BSN: variants seen among roughly 807,000 people sequenced by gnomAD.
BSN encodes the protein protein bassoon.
BSN carries 57 observed loss-of-function variants against 264.8 expected under a neutral mutation model. The ratio of observed to expected loss-of-function variants is 0.22; its 90% CI spans 0.17 to 0.27. The LOEUF (loss-of-function observed/expected upper bound fraction) is 0.27, where lower values mean the gene tolerates loss of function less well. Among genes scored for constraint, BSN ranks in the 10% least tolerant of loss-of-function variants. The pLI is 1.00. For synonymous variants in BSN, 2,059 were observed against 2,137.3 expected, an observed-to-expected ratio of 0.96 and a Z score of 1.01; for missense variants, 4,615 against 5,232.5, an observed-to-expected ratio of 0.88 and a Z score of 3.64.
chr3:49,596,236 C>G (rs1437721171), intron 1 of BSN, among the ~76,000 whole-genome samples: 1 of 152,048 alleles, frequency 6.6e-6, no homozygotes, highest in Non-Finnish European at 1.5e-5. Context: ...AACCCTGTCT[C>G]TACTAAAAAT....
At chr3:49,594,337 A>G (rs2052004604) in intron 1 of BSN, among the ~76,000 whole-genome samples, 1 of 152,206 alleles carries the variant, frequency 6.6e-6, no homozygotes, top group African/African-American at 2.4e-5. Flanking sequence ...TTGTTAGTTA[A>G]TTCTCATATA....
At chr3:49,639,900 T>C (rs2052447452) in intron 2 of BSN, among the ~76,000 whole-genome samples, 1 of 152,266 alleles carries the variant, frequency 6.6e-6, no homozygotes, top group Non-Finnish European at 1.5e-5. Flanking sequence ...AAGGGGGTGC[T>C]TGCCAAAGTG....
In BSN at chr3:49,605,344, ATATAAATATATATT is replaced by A. The variant is rs1433661360; in HGVS notation, c.225-19614_225-19601del. ...ATATATATTTATAAATATATATAAT[ATATAAATATATATT>A]TATAAATATATATTTAATATATAAA... On this transcript the variant is annotated intron_variant, in intron 1 of 11. Coordinates refer to ENST00000296452, the MANE Select transcript of BSN (RefSeq NM_003458.4). Among the ~76,000 whole-genome samples the A allele has an allele frequency of 2.6e-3, 231 of 87,792 alleles. 3 individuals are homozygous for A. The highest frequency in any genetic ancestry group is 3.8e-3 in the Non-Finnish European group (185 of 48,056). 57.6% of individuals were successfully genotyped at this position (87,792 alleles called of 152,430 possible). A position where few individuals can be genotyped will look rare whatever the true frequency, so the allele number is the denominator to read the frequency against.
chr3:49,598,104 G>A (rs2052039912), intron 1 of BSN, among the ~76,000 whole-genome samples: 1 of 152,122 alleles, frequency 6.6e-6, no homozygotes, highest in Non-Finnish European at 1.5e-5. Context: ...TTGCTTTGAA[G>A]TCTTTGCTGA....
rs1218202522 is a variant in BSN at position 49,663,768 on chromosome 3, T to C, written c.11509-19T>C. On this transcript the variant is annotated intron_variant, in intron 7 of 11. Coordinates refer to ENST00000296452, the MANE Select transcript of BSN (RefSeq NM_003458.4). ...GGCTGGGCATGGGCAGAATCTTAGCTATAGGTTCTGTGTTGCAGCCACGGG... is the reference window on the plus strand; with the variant it reads ...GGCTGGGCATGGGCAGAATCTTAGCCATAGGTTCTGTGTTGCAGCCACGGG... 6.2e-7 allele frequency: 1 copy of C among 1,613,866 alleles called. No homozygotes were observed. Among genetic ancestry groups the C allele is most frequent in the Non-Finnish European group, 8.5e-7 (1 of 1,179,826 alleles).
At chr3:49,606,288 T>TA (rs1559603705) in intron 1 of BSN, among the ~76,000 whole-genome samples, 3 of 111,314 alleles carry the variant, frequency 2.7e-5, no homozygotes, top group East Asian at 2.2e-4. Flanking sequence ...AAAATATATA[T>TA]TATATATATT....
intron 1 of BSN, among the ~76,000 whole-genome samples, chr3:49,568,000 A>C (rs1329962032): frequency 6.6e-6 from 1 of 152,166 alleles, no homozygotes; most frequent in Non-Finnish European, 1.5e-5. Flanking sequence ...CTGAGTTCCA[A>C]GGGTGGGGAG....
At chr3:49,620,280 C>T (rs908490505) in intron 1 of BSN, among the ~76,000 whole-genome samples, 1 of 151,990 alleles carries the variant, frequency 6.6e-6, no homozygotes, top group Non-Finnish European at 1.5e-5. Flanking sequence ...CAAAAATCAG[C>T]TGGGCATGGT....
chr3:49,631,943 C>T (rs561681681), intron 2 of BSN, among the ~76,000 whole-genome samples: 29 of 152,280 alleles, frequency 1.9e-4, no homozygotes, highest in South Asian at 1.0e-3. Context: ...TACAAAGTTA[C>T]GGTAATCAAA....
At chr3:49,555,806 T>C (rs2051664201) in intron 1 of BSN, among the ~76,000 whole-genome samples, 1 of 152,224 alleles carries the variant, frequency 6.6e-6, no homozygotes, top group African/African-American at 2.4e-5. Flanking sequence ...AGGGAGGTGC[T>C]TCCAGCTCCA....
In BSN at chr3:49,554,528, A is replaced by C; in HGVS notation, c.-75A>C. 2.1e-6 allele frequency: 1 copy of C among 470,020 alleles called. No individual in the cohort carries two copies. The highest frequency in any genetic ancestry group is 2.8e-6 in the Non-Finnish European group (1 of 359,670). 29.1% of individuals were successfully genotyped at this position (470,020 alleles called of 1,614,324 possible). A position where few individuals can be genotyped will look rare whatever the true frequency, so the allele number is the denominator to read the frequency against. ...GATGGCGGCGGCAGCGGCGGCGCCG[A>C]GAGTGTGAGCACCGCCCGGGAGCCG... is the stretch of plus-strand genomic sequence containing the variant. On this transcript the variant is annotated 5_prime_UTR_variant, in exon 1 of 12. Transcript: ENST00000296452.
intron 1 of BSN, among the ~76,000 whole-genome samples, chr3:49,623,559 T>C (rs1019552748): frequency 2.2e-4 from 33 of 151,970 alleles, no homozygotes; most frequent in Non-Finnish European, 4.4e-5. Flanking sequence ...GGGATGGAGG[T>C]GAGGGTTAGA....
rs1355619228 is a variant in BSN at position 49,660,999 on chromosome 3, C to T, written c.9154C>T (p.Gln3052Ter). The change falls in exon 6 of 12, where the codon CAG becomes TAG. Residue 3052 changes from glutamine (Q) to a stop codon, truncating the protein, a stop_gained. Coordinates refer to ENST00000296452, the MANE Select transcript of BSN (RefSeq NM_003458.4). LOFTEE classifies it high-confidence loss of function. The surrounding 1 kb of genome is among the most constrained non-coding windows in gnomAD (Gnocchi z 7.1). ...PATPSGPTAFQQPRFQPPAPQ... is the reference protein window; with the variant it reads ...PATPSGPTAF The stretch of plus-strand genomic sequence containing the variant: ...CACCCCCTCTGGTCCCACTGCCTTC[C>T]AGCAGCCCCGCTTCCAGCCTCCAGC... 1.2e-6 allele frequency: 2 copies of T among 1,611,270 alleles called. No individual in the cohort carries two copies. Among genetic ancestry groups the T allele is most frequent in the Non-Finnish European group, 1.7e-6 (2 of 1,179,906 alleles).
Position 49,654,617 on chromosome 3 carries a change from C to T in BSN, c.5061C>T (p.Thr1687=). The T allele has an allele frequency of 6.2e-7, 1 of 1,614,010 alleles. No homozygotes were observed. The highest frequency in any genetic ancestry group is 8.5e-7 in the Non-Finnish European group (1 of 1,179,978). Residue 1687 remains threonine (T), a synonymous_variant, in exon 5 of 12, where the codon ACC becomes ACT. Transcript: ENST00000296452. This position sits in a 1 kb window ranked among gnomAD's most constrained non-coding sequence, Gnocchi z 4.1. The part of the protein sequence containing the change: ...IILTDQGMDL[T]SLAVEARKYG... ...TCACTGACCAGGGCATGGACCTCACCTCTCTTGCTGTGGAAGCGAGGAAGT... is the reference window on the plus strand; with the variant it reads ...TCACTGACCAGGGCATGGACCTCACTTCTCTTGCTGTGGAAGCGAGGAAGT...
rs1296654879 is a variant in BSN, at chr3:49,663,591, C to T, written c.11433C>T (p.Ala3811=). 20 of 1,607,000 alleles carry T rather than the reference C, an allele frequency of 1.2e-5. No individual in the cohort carries two copies. Among genetic ancestry groups the T allele is most frequent in the Admixed American group, 3.4e-5 (2 of 58,910 alleles). The change falls in exon 7 of 12, where the codon GCC becomes GCT. Residue 3811 remains alanine (A), a synonymous_variant. Coordinates refer to ENST00000296452, the MANE Select transcript of BSN (RefSeq NM_003458.4). ...QQSQPTTRGS[A]PAASQPAGKP... is the part of the protein sequence containing the mutation. ...GCCAGCCAACCACCCGGGGCTCAGC[C>T]CCTGCTGCCAGCCAGCCTGCAGGGA...
chr3:49,642,501 G>T lies in BSN; in HGVS notation c.867G>T (p.Gly289=), dbSNP rs1207724650. The change falls in exon 3 of 12, where the codon GGG becomes GGT. Residue 289 remains glycine, a synonymous_variant. Transcript: ENST00000296452. This position sits in a 1 kb window ranked among gnomAD's most constrained non-coding sequence, Gnocchi z 7.0. ...AETARATSVP[G]PAQAAAPPEV... is the part of the protein sequence containing the mutation. ...CAGCCAGGGCCACCTCAGTGCCGGGGCCTGCCCAAGCAGCTGCCCCTCCAG... is the reference window on the plus strand; with the variant it reads ...CAGCCAGGGCCACCTCAGTGCCGGGTCCTGCCCAAGCAGCTGCCCCTCCAG... 6.4e-7 allele frequency: 1 copy of T among 1,567,360 alleles called. No homozygotes were observed. Among genetic ancestry groups the T allele is most frequent in the Non-Finnish European group, 8.6e-7 (1 of 1,157,450 alleles).
chr3:49,644,310 T>C lies in BSN; in HGVS notation c.1518+1158T>C, dbSNP rs567531006. Among the ~76,000 whole-genome samples, 8 of 152,238 alleles carry C rather than the reference T, an allele frequency of 5.3e-5. No homozygotes were observed. The East Asian group carries it at 1.2e-3, about 22-fold the overall frequency. Reference sequence around the variant, plus strand: ...AGTGCAAACCACCACTGGCCCAGGATGGGACAAGAGAGGAGAGCATGATGT... The same window carrying C: ...AGTGCAAACCACCACTGGCCCAGGACGGGACAAGAGAGGAGAGCATGATGT... On this transcript the variant is annotated intron_variant, in intron 3 of 11. Coordinates refer to ENST00000296452, the MANE Select transcript of BSN (RefSeq NM_003458.4).
chr3:49,654,597 G>T lies in BSN; in HGVS notation c.5041G>T (p.Asp1681Tyr). 2 of 1,613,196 alleles carry T rather than the reference G, an allele frequency of 1.2e-6. No homozygotes were observed. Among genetic ancestry groups the T allele is most frequent in the East Asian group, 2.2e-5 (1 of 44,876 alleles). Residue 1681 changes from aspartate to tyrosine, a missense_variant, in exon 5 of 12, where the codon GAC becomes TAC. Physicochemically the swap from Asp to Tyr is radical, Grantham distance 160. Around this residue, in one of 3 missense-constraint regions of BSN, gnomAD observed 3,415 missense variants for 3,866.4 expected, o/e 0.88. Transcript: ENST00000296452. The surrounding 1 kb of genome is among the most constrained non-coding windows in gnomAD (Gnocchi z 4.1). The part of the protein sequence containing the change: ...AVKPTPIILT[D>Y]QGMDLTSLAV... ...CAAGCCCACTCCCATCATCCTCACT[G>T]ACCAGGGCATGGACCTCACCTCTCT... is the stretch of plus-strand genomic sequence containing the variant.
At chr3:49,571,922 C>T (rs1479361999) in intron 1 of BSN, among the ~76,000 whole-genome samples, 1 of 152,178 alleles carries the variant, frequency 6.6e-6, no homozygotes, top group Admixed American at 6.5e-5. Context: ...GCTTTATCCT[C>T]AGAGAAGGCT....
Sources: gnomAD v4.1 joint callset for allele counts (sites outside exome capture counted in the v4.1 genomes callset) on GRCh38, gnomAD v4.1.1 for gene constraint, gnomAD v4.1.1 regional missense constraint, Gnocchi (gnomAD v3.1) non-coding constraint, MANE v1.5 for transcripts, NCBI Gene and HGNC (gene_info 2026-07-23, HGNC 2026-07-21) for gene names.